ELMO2: variants seen among roughly 807,000 people sequenced by gnomAD.
ELMO2 encodes the protein engulfment and cell motility protein 2.
In ELMO2, 37 loss-of-function variants were observed where a neutral mutation model predicts 96.2. The ratio of observed to expected loss-of-function variants is 0.38; its 90% CI spans 0.30 to 0.51. The LOEUF (loss-of-function observed/expected upper bound fraction) is 0.51, where lower values mean the gene tolerates loss of function less well. ELMO2 is among the 20% of genes least tolerant of loss of function. The probability of loss-of-function intolerance (pLI) is 0.88; values close to 1 mark genes in which losing one functional copy is unlikely to be tolerated. For missense variants in ELMO2, 561 were observed against 912.6 expected, an observed-to-expected ratio of 0.61 and a Z score of 4.96; for synonymous variants, 315 against 329.4, an observed-to-expected ratio of 0.96 and a Z score of 0.47.
chr20:46,371,207 A>T lies in ELMO2; in HGVS notation c.1801+145T>A. On this transcript the variant is annotated intron_variant, in intron 19 of 21. Coordinates refer to ENST00000290246, the MANE Select transcript of ELMO2 (RefSeq NM_133171.5). The surrounding 1 kb of genome is among the most constrained non-coding windows in gnomAD (Gnocchi z 5.9). ...AACCACCCCACCGAGTAGGCCAGGT[A>T]GAGGAAATCGCTGACAGATAAGGAA... 1 of 747,052 alleles carries T rather than the reference A, an allele frequency of 1.3e-6. No homozygotes were observed. Among genetic ancestry groups the T allele is most frequent in the Non-Finnish European group, 2.2e-6 (1 of 455,236 alleles). 46.3% of individuals were successfully genotyped at this position (747,052 alleles called of 1,614,324 possible).
intron 7 of ELMO2, among the ~76,000 whole-genome samples, chr20:46,388,461 A>G (rs1172473535): frequency 6.6e-6 from 1 of 152,226 alleles, no homozygotes; most frequent in Admixed American, 6.5e-5. Context: ...CACCGCATGC[A>G]TGTGAACTCT....
chr20:46,375,604 C>A lies in ELMO2; in HGVS notation c.930+64G>T. ...GACAAAGACCAAGCACAGTGCCTGG[C>A]ACATAGACTAAGGCTGGACTGCACC... On this transcript the variant is annotated intron_variant, in intron 12 of 21. Transcript: ENST00000290246. This position sits in a 1 kb window ranked among gnomAD's most constrained non-coding sequence, Gnocchi z 4.6. The A allele has an allele frequency of 6.2e-7, 1 of 1,606,364 alleles. No homozygotes were observed. Among genetic ancestry groups the A allele is most frequent in the South Asian group, 1.1e-5 (1 of 90,440 alleles).
chr20:46,396,575 C>T (rs2145848833), intron 2 of ELMO2, among the ~76,000 whole-genome samples: 1 of 152,328 alleles, frequency 6.6e-6, no homozygotes, highest in Non-Finnish European at 1.5e-5. Flanking sequence ...GACTTATCAT[C>T]ATCCATGAGT....
chr20:46,402,385 A>G (rs1011777860), intron 1 of ELMO2, among the ~76,000 whole-genome samples: 6 of 152,234 alleles, frequency 3.9e-5, no homozygotes, highest in African/African-American at 1.4e-4. Context: ...AGGATTATTA[A>G]TTGCCTAGAA....
At chr20:46,368,991 T>C (rs779782617) in intron 20 of ELMO2, 23 bp from the exon 21 acceptor site, 5 of 1,611,888 alleles carry the variant, frequency 3.1e-6, no homozygotes, top group Non-Finnish European at 4.2e-6. Context: ...GGGTTTAAAT[T>C]AGAGCGATGG....
chr20:46,380,664 G>A (rs2059939775), intron 10 of ELMO2, among the ~76,000 whole-genome samples: 1 of 152,116 alleles, frequency 6.6e-6, no homozygotes, highest in Non-Finnish European at 1.5e-5. Flanking sequence ...CACATGCATC[G>A]TGCCAGGTAG....
Position 46,389,053 on chromosome 20 carries a change from G to A in ELMO2, c.411C>T (p.Thr137=), listed in dbSNP as rs774209222. 4 of 1,613,902 alleles carry A rather than the reference G, an allele frequency of 2.5e-6. No individual in the cohort carries two copies. Among genetic ancestry groups the A allele is most frequent in the Non-Finnish European group, 3.4e-6 (4 of 1,179,866 alleles). ...GTCATACTCACTGGGACAAGAGCTT[G>A]GTTCCACTTTCCACGAGCCTTGTCA... ...IVLTRLVESG[T]KLLSHYSEML... is the part of the protein sequence containing the mutation. Residue 137 remains threonine (T), a synonymous_variant, in exon 7 of 22, where the codon ACC becomes ACT. Coordinates refer to ENST00000290246, the MANE Select transcript of ELMO2 (RefSeq NM_133171.5).
Position 46,375,940 on chromosome 20 carries a change from G to T in ELMO2, c.808-150C>A. 2.7e-6 allele frequency: 3 copies of T among 1,099,828 alleles called. No homozygotes were observed. The highest frequency in any genetic ancestry group is 3.8e-6 in the Non-Finnish European group (3 of 785,778). The allele number at this position is 1,099,828 out of a possible 1,614,324, so 68.1% of individuals were successfully genotyped here. Reference sequence around the variant, plus strand: ...ACTTCATATTCTAGAAGGCGATGGAGCATGAATGGGCTTGGTTCAGGCAGA... The same window carrying T: ...ACTTCATATTCTAGAAGGCGATGGATCATGAATGGGCTTGGTTCAGGCAGA... On this transcript the variant is annotated intron_variant, in intron 11 of 21. Transcript: ENST00000290246. This position sits in a 1 kb window ranked among gnomAD's most constrained non-coding sequence, Gnocchi z 4.6.
chr20:46,388,945 C>T, intron 7 of ELMO2, 94 bp downstream of exon 7: 1 of 1,334,812 alleles, frequency 7.5e-7, no homozygotes, highest in African/African-American at 1.4e-5. Flanking sequence ...ATTCAATAAA[C>T]TCCTTATTTG....
At chr20:46,400,583 C>T (rs2060319151) in intron 1 of ELMO2, among the ~76,000 whole-genome samples, 1 of 152,344 alleles carries the variant, frequency 6.6e-6, no homozygotes, top group East Asian at 1.9e-4. Context: ...AAACAACTCC[C>T]CACCCTTCTA....
chr20:46,375,756 T>C lies in ELMO2; in HGVS notation c.842A>G (p.Glu281Gly), dbSNP rs1248875744. 1 of 1,614,172 alleles carries C rather than the reference T, an allele frequency of 6.2e-7. No homozygotes were observed. Among genetic ancestry groups the C allele is most frequent in the Non-Finnish European group, 8.5e-7 (1 of 1,180,022 alleles). Residue 281 changes from glutamate (E) to glycine (G), a missense_variant, in exon 12 of 22, where the codon GAG becomes GGG. Physicochemically the swap from Glu to Gly is moderately conservative, Grantham distance 98 (BLOSUM62 -2). Coordinates refer to ENST00000290246, the MANE Select transcript of ELMO2 (RefSeq NM_133171.5). This position sits in a 1 kb window ranked among gnomAD's most constrained non-coding sequence, Gnocchi z 4.6. ...VIRGNRPIKTEMAHQLYVLQV... is the reference protein window; with the variant it reads ...VIRGNRPIKTGMAHQLYVLQV... The stretch of plus-strand genomic sequence containing the variant: ...AAGGACATATAGCTGATGGGCCATC[T>C]CAGTTTTGATGGGGCGGTTCCCTCG...
intron 11 of ELMO2, among the ~76,000 whole-genome samples, chr20:46,377,580 AC>A (rs1175091995): frequency 1.8e-4 from 28 of 152,378 alleles, no homozygotes; most frequent in African/African-American, 6.0e-4. Context: ...GTCCTCAGCC[AC>A]AACAGACTTA....
At chr20:46,389,964 C>A (rs977660441) in intron 6 of ELMO2, among the ~76,000 whole-genome samples, 1 of 152,046 alleles carries the variant, frequency 6.6e-6, no homozygotes, top group Non-Finnish European at 1.5e-5. Flanking sequence ...ACCAACCTGA[C>A]CAACATGATG....
At chr20:46,401,386 T>C (rs1047163955) in intron 1 of ELMO2, among the ~76,000 whole-genome samples, 8 of 152,164 alleles carry the variant, frequency 5.3e-5, no homozygotes, top group African/African-American at 1.4e-4. Flanking sequence ...TGTTGAAGTA[T>C]GTTAGACACA....
At chr20:46,401,436 A>G (rs1473953081) in intron 1 of ELMO2, among the ~76,000 whole-genome samples, 1 of 152,200 alleles carries the variant, frequency 6.6e-6, no homozygotes, top group African/African-American at 2.4e-5. Context: ...AAACTTACAT[A>G]GAGGCAAAGG....
chr20:46,368,810 T>C (rs1218864723), intron 21 of ELMO2, 81 bp downstream of exon 21: 2 of 1,494,126 alleles, frequency 1.3e-6, no homozygotes, highest in Non-Finnish European at 1.9e-6. Context: ...ACAGGGGACT[T>C]TCCTGTTTTG....
chr20:46,393,265 C>A (rs1382167574), intron 5 of ELMO2, 122 bp from the exon 6 acceptor site: 2 of 1,024,162 alleles, frequency 2.0e-6, no homozygotes, highest in South Asian at 1.4e-5. Context: ...GATCTTCAGT[C>A]GGGCCCTCTT....
chr20:46,369,273 A>C (rs903629251), intron 20 of ELMO2: 14 of 251,060 alleles, frequency 5.6e-5, no homozygotes, highest in African/African-American at 3.1e-4. Flanking sequence ...GTTATCCTAA[A>C]AGTTTTTATA....
intron 1 of ELMO2, among the ~76,000 whole-genome samples, chr20:46,405,005 T>C (rs1282034102): frequency 6.6e-6 from 1 of 152,218 alleles, no homozygotes; most frequent in Non-Finnish European, 1.5e-5. Context: ...TGACCACGAT[T>C]CACATCCCCT....
Sources: allele counts gnomAD v4.1 joint callset (sites outside exome capture counted in the v4.1 genomes callset), GRCh38; gene constraint gnomAD v4.1.1; non-coding constraint Gnocchi (gnomAD v3.1); transcripts MANE v1.5; gene names NCBI Gene and HGNC (gene_info 2026-07-23, HGNC 2026-07-21).